The following BICD1 variants were observed in gnomAD, a reference collection of about 807,000 sequenced individuals.
BICD1 encodes BICD cargo adaptor 1, also known as protein bicaudal D homolog 1.
A neutral mutation model predicts 92.5 loss-of-function variants in BICD1; 35 were observed. The ratio of observed to expected loss-of-function variants is 0.38; its 90% CI spans 0.29 to 0.50. BICD1 has a LOEUF of 0.50. Ranked by LOEUF, BICD1 falls within the 20% of genes least tolerant of loss-of-function variation. The pLI is 0.93. For synonymous variants in BICD1, 429 were observed against 465.1 expected (o/e 0.92, Z 1.00); for missense variants, 950 against 1,189.8 (o/e 0.80, Z 2.97).
intron 8 of BICD1, among the ~76,000 whole-genome samples, chr12:32,363,814 A>G (rs1027328876): frequency 6.6e-6 from 1 of 152,200 alleles, no homozygotes; most frequent in Non-Finnish European, 1.5e-5. Context: ...TGGACCATAC[A>G]ATCCTGGATT....
intron 4 of BICD1, among the ~76,000 whole-genome samples, 173 bp from the exon 5 acceptor site, chr12:32,327,288 G>C (rs1275588357): frequency 6.6e-6 from 1 of 152,178 alleles, no homozygotes; most frequent in Non-Finnish European, 1.5e-5. Context: ...TGTACTTTTA[G>C]ATTGACTTAC....
At chr12:32,225,018 A>G (rs1358552967) in intron 2 of BICD1, among the ~76,000 whole-genome samples, 1 of 152,188 alleles carries the variant, frequency 6.6e-6, no homozygotes. Flanking sequence ...ACTTGTAAAT[A>G]GATTCATATA....
intron 4 of BICD1, among the ~76,000 whole-genome samples, chr12:32,322,640 G>A (rs2136247527): frequency 6.6e-6 from 1 of 152,316 alleles, no homozygotes; most frequent in East Asian, 1.9e-4. Context: ...CTGTTGTGTA[G>A]GGAGGAAACA....
At position 32,377,798 on chromosome 12, in the gene BICD1, T is replaced by G; in HGVS notation, c.*171T>G. The G allele has an allele frequency of 1.8e-6, 1 of 546,108 alleles. No homozygotes were observed. Among genetic ancestry groups the G allele is most frequent in the Non-Finnish European group, 3.2e-6 (1 of 310,724 alleles). 33.8% of individuals were successfully genotyped at this position (546,108 alleles called of 1,614,324 possible). The stretch of plus-strand genomic sequence containing the variant: ...TGAGAAGAACACGAAGCACAGACCC[T>G]GATGTGATAAAACATTTTGTGGTTT... On this transcript the variant is annotated 3_prime_UTR_variant, in exon 10 of 10. Transcript: ENST00000652176.
At chr12:32,222,456 G>C (rs941117932) in intron 2 of BICD1, among the ~76,000 whole-genome samples, 6 of 152,132 alleles carry the variant, frequency 3.9e-5, no homozygotes, top group Non-Finnish European at 7.3e-5. Context: ...AGAGAGGTCA[G>C]ATCATTTGTC....
At chr12:32,343,327 C>T (rs1938450377) in intron 8 of BICD1, among the ~76,000 whole-genome samples, 1 of 151,864 alleles carries the variant, frequency 6.6e-6, no homozygotes, top group Non-Finnish European at 1.5e-5. Flanking sequence ...CCTCCTCCTC[C>T]GTCCCCTCTT....
intron 8 of BICD1, chr12:32,339,996 A>T: frequency 1.2e-6 from 1 of 856,174 alleles, no homozygotes; most frequent in Non-Finnish European, 1.4e-6. Flanking sequence ...CACAGTCACC[A>T]CTCCTCCTTA....
intron 1 of BICD1, among the ~76,000 whole-genome samples, chr12:32,177,240 G>A (rs954404861): frequency 7.3e-5 from 11 of 151,614 alleles, no homozygotes; most frequent in African/African-American, 2.2e-4. Context: ...TCTTGAACCC[G>A]GGAGGTGGAG....
chr12:32,221,657 G>A (rs1276594299), intron 2 of BICD1, among the ~76,000 whole-genome samples: 1 of 151,818 alleles, frequency 6.6e-6, no homozygotes, highest in African/African-American at 2.4e-5. Context: ...CTCCAGCCTG[G>A]CGACAGAGCG....
chr12:32,308,252 A>G (rs1948282928), intron 4 of BICD1, among the ~76,000 whole-genome samples: 1 of 152,132 alleles, frequency 6.6e-6, no homozygotes, highest in African/African-American at 2.4e-5. Flanking sequence ...CTTCCTTGAG[A>G]AGGTTTAGCG....
intron 1 of BICD1, among the ~76,000 whole-genome samples, chr12:32,114,276 G>A (rs1392351609): frequency 6.6e-6 from 1 of 152,184 alleles, no homozygotes; most frequent in African/African-American, 2.4e-5. Flanking sequence ...GTAAAGTGTG[G>A]AGATTACAGG....
At chr12:32,177,834 A>G (rs955339944) in intron 1 of BICD1, among the ~76,000 whole-genome samples, 4 of 143,186 alleles carry the variant, frequency 2.8e-5, no homozygotes, top group Admixed American at 1.4e-4. Flanking sequence ...TTTATTGCAA[A>G]AACTTTTTAA....
intron 9 of BICD1, among the ~76,000 whole-genome samples, chr12:32,374,910 CTTTTTTTTTTTTTT>C (rs1185628924): frequency 8.1e-5 from 4 of 49,604 alleles, no homozygotes; most frequent in East Asian, 1.6e-3. Flanking sequence ...ATTTATTTTC[CTTTTTTTTTTTTTT>C]TTTTTTTTTT....
intron 1 of BICD1, chr12:32,107,797 A>G (rs1045640562): frequency 4.3e-6 from 3 of 700,244 alleles, no homozygotes; most frequent in Non-Finnish European, 5.2e-6. Context: ...GGAGATTAGT[A>G]AGAGTCATCA....
chr12:32,337,355 T>C lies in BICD1; in HGVS notation c.2253-144T>C, dbSNP rs1256801041. The C allele has an allele frequency of 1.5e-6, 1 of 659,246 alleles. No individual in the cohort carries two copies. The highest frequency in any genetic ancestry group is 1.8e-5 in the African/African-American group (1 of 54,936). The allele number at this position is 659,246 out of a possible 1,614,324, so 40.8% of individuals were successfully genotyped here. A position where few individuals can be genotyped will look rare whatever the true frequency, so the allele number is the denominator to read the frequency against. On this transcript the variant is annotated intron_variant, in intron 6 of 9. Coordinates refer to ENST00000652176, the MANE Select transcript of BICD1 (RefSeq NM_001714.4). The surrounding 1 kb of genome is among the most constrained non-coding windows in gnomAD (Gnocchi z 4.7). ...CATATATTCCAGTTTTCTGCTATTG[T>C]GGGTTATCTACATTCTATTGCTAGA... is the stretch of plus-strand genomic sequence containing the variant.
intron 8 of BICD1, chr12:32,353,944 G>A (rs568157220): frequency 7.9e-5 from 12 of 152,246 alleles, no homozygotes; most frequent in African/African-American, 2.6e-4. Context: ...GCAGCAGAAT[G>A]TACTTTTACC....
intron 4 of BICD1, among the ~76,000 whole-genome samples, chr12:32,306,348 A>C (rs1168652230): frequency 6.6e-6 from 1 of 151,888 alleles, no homozygotes; most frequent in East Asian, 1.9e-4. Flanking sequence ...GGTTCAAGTG[A>C]TTCTCCTGCC....
intron 9 of BICD1, among the ~76,000 whole-genome samples, chr12:32,375,866 A>G (rs1336434838): frequency 6.6e-6 from 1 of 152,212 alleles, no homozygotes; most frequent in Non-Finnish European, 1.5e-5. Context: ...TTTAAACTCC[A>G]TTAAATTTAA....
intron 1 of BICD1, among the ~76,000 whole-genome samples, chr12:32,126,104 A>G (rs1942327551): frequency 6.6e-6 from 1 of 151,634 alleles, no homozygotes; most frequent in Non-Finnish European, 1.5e-5. Context: ...CCTTGAATGC[A>G]TTTGCTGAAT....
Sources: gnomAD v4.1 joint callset for allele counts (sites outside exome capture counted in the v4.1 genomes callset) on GRCh38, gnomAD v4.1.1 for gene constraint, Gnocchi (gnomAD v3.1) non-coding constraint, MANE v1.5 for transcripts, NCBI Gene and HGNC (gene_info 2026-07-23, HGNC 2026-07-21) for gene names.